Variants in LMBR1 observed in about 807,000 individuals in gnomAD.
LMBR1 encodes the protein limb development membrane protein 1.
Under a neutral mutation model 73.9 loss-of-function variants are expected in LMBR1, and 52 were observed. The ratio of observed to expected loss-of-function variants is 0.70; its 90% CI spans 0.56 to 0.89. LMBR1 has a LOEUF of 0.89. LMBR1 is among the 40% of genes least tolerant of loss of function. The pLI is 0.00. For missense variants in LMBR1, 539 were observed against 579.8 expected, an observed-to-expected ratio of 0.93 and a Z score of 0.72; for synonymous variants, 215 against 209.4, an observed-to-expected ratio of 1.03 and a Z score of -0.23.
intron 1 of LMBR1, among the ~76,000 whole-genome samples, chr7:156,840,516 T>C (rs369989728): frequency 6.6e-6 from 1 of 151,772 alleles, no homozygotes; most frequent in Admixed American, 6.6e-5. Context: ...GGTCAGAAAA[T>C]AATGGGAGCC....
intron 1 of LMBR1, among the ~76,000 whole-genome samples, chr7:156,881,128 C>T (rs1020213804): frequency 1.3e-5 from 2 of 152,108 alleles, no homozygotes; most frequent in Non-Finnish European, 2.9e-5. Context: ...TAGTATAGTA[C>T]TGACATAAAG....
intron 15 of LMBR1, among the ~76,000 whole-genome samples, chr7:156,698,584 T>C (rs978729167): frequency 1.3e-5 from 2 of 152,220 alleles, no homozygotes; most frequent in African/African-American, 4.8e-5. Flanking sequence ...CTGCCAAAGC[T>C]TGGGGCTTCC....
intron 9 of LMBR1, among the ~76,000 whole-genome samples, chr7:156,739,549 C>A (rs1234558478): frequency 4.6e-5 from 7 of 152,196 alleles, no homozygotes; most frequent in Non-Finnish European, 8.8e-5. Flanking sequence ...TTGGTGGCCA[C>A]AGGAGTGCTT....
chr7:156,788,024 T>C (rs1235240164), intron 5 of LMBR1, among the ~76,000 whole-genome samples: 1 of 152,238 alleles, frequency 6.6e-6, no homozygotes, highest in African/African-American at 2.4e-5. Flanking sequence ...TCCACCTGCC[T>C]TGGCCTCCCA....
chr7:156,791,324 T>C (rs1480336010), intron 5 of LMBR1, among the ~76,000 whole-genome samples: 1 of 152,138 alleles, frequency 6.6e-6, no homozygotes, highest in Non-Finnish European at 1.5e-5. Flanking sequence ...GGATCATCAG[T>C]GGCAAAAAAC....
intron 4 of LMBR1, among the ~76,000 whole-genome samples, chr7:156,806,005 C>G (rs547791169): frequency 6.6e-6 from 1 of 152,138 alleles, no homozygotes; most frequent in Non-Finnish European, 1.5e-5. Flanking sequence ...CATGGTGGCA[C>G]CCTGATATGG....
chr7:156,827,028 A>T (rs532729131), intron 3 of LMBR1, among the ~76,000 whole-genome samples: 70 of 152,342 alleles, frequency 4.6e-4, no homozygotes, highest in Non-Finnish European at 1.0e-4. Flanking sequence ...TATTTTACAA[A>T]GAAAAAATTG....
chr7:156,798,931 T>C (rs112573497), intron 4 of LMBR1, among the ~76,000 whole-genome samples: 4,829 of 151,874 alleles, frequency 0.032, 122 homozygotes, highest in South Asian at 0.084. Context: ...TGGTGGCTCA[T>C]ACCTGTAATC....
At chr7:156,704,706 A>T (rs1018710369) in intron 15 of LMBR1, among the ~76,000 whole-genome samples, 4 of 151,712 alleles carry the variant, frequency 2.6e-5, no homozygotes, top group African/African-American at 9.7e-5. Flanking sequence ...AAAGATCAGA[A>T]ATCAATATAG....
downstream of LMBR1, chr7:156,675,749 G>A (rs1403955924): frequency 1.2e-6 from 2 of 1,614,006 alleles, no homozygotes; most frequent in Non-Finnish European, 1.7e-6. Flanking sequence ...ACATTGAAGA[G>A]CTCTTTGCAG....
At chr7:156,889,996 C>T (rs1292838529) in intron 1 of LMBR1, among the ~76,000 whole-genome samples, 1 of 152,038 alleles carries the variant, frequency 6.6e-6, no homozygotes, top group African/African-American at 2.4e-5. Context: ...AGAGGGAGAA[C>T]CTGTCTCAAA....
In LMBR1 at chr7:156,681,269, G is replaced by A; in HGVS notation, c.*2809C>T. The A allele has an allele frequency of 2.4e-6, 1 of 419,780 alleles. No individual in the cohort carries two copies. The highest frequency in any genetic ancestry group is 7.1e-5 in the East Asian group (1 of 14,018). The allele number at this position is 419,780 out of a possible 1,614,324, so 26.0% of individuals were successfully genotyped here. A position where few individuals can be genotyped will look rare whatever the true frequency, so the allele number is the denominator to read the frequency against. ...GGAGGCCGCACTGCCGCTGAGAGCA[G>A]GTACACGTGCGCCTTTAACACATCT... On this transcript the variant is annotated 3_prime_UTR_variant, in exon 17 of 17. Transcript: ENST00000353442.
intron 4 of LMBR1, among the ~76,000 whole-genome samples, chr7:156,808,224 T>C (rs1222894864): frequency 1.3e-5 from 2 of 152,204 alleles, no homozygotes; most frequent in African/African-American, 2.4e-5. Context: ...CTGAATGTAA[T>C]TGTGATTCTG....
chr7:156,801,811 T>A (rs1211062612), intron 4 of LMBR1, among the ~76,000 whole-genome samples: 1 of 151,708 alleles, frequency 6.6e-6, no homozygotes, highest in African/African-American at 2.4e-5. Context: ...GGATTACAGA[T>A]GTGAGCCACT....
intron 2 of LMBR1, among the ~76,000 whole-genome samples, chr7:156,834,792 G>A (rs1381047963): frequency 6.6e-6 from 1 of 151,300 alleles, no homozygotes; most frequent in South Asian, 2.1e-4. Flanking sequence ...ATGCCTGTCA[G>A]CAATCTCTTT....
At chr7:156,831,872 G>C (rs778923589) in intron 3 of LMBR1, among the ~76,000 whole-genome samples, 1 of 152,244 alleles carries the variant, frequency 6.6e-6, no homozygotes, top group Non-Finnish European at 1.5e-5. Context: ...AGACTGAATG[G>C]AGAGGAGAAA....
intron 15 of LMBR1, among the ~76,000 whole-genome samples, chr7:156,706,969 A>T (rs1426273541): frequency 1.3e-5 from 2 of 151,976 alleles, no homozygotes; most frequent in Non-Finnish European, 2.9e-5. Context: ...GAGAAAATAA[A>T]TAAAACTGAT....
chr7:156,773,472 A>G (rs1045176628), intron 5 of LMBR1, among the ~76,000 whole-genome samples: 1 of 152,230 alleles, frequency 6.6e-6, no homozygotes, highest in Non-Finnish European at 1.5e-5. Flanking sequence ...CCAAACGAGC[A>G]TGGTACTGGT....
chr7:156,702,660 T>G (rs1328743635), intron 15 of LMBR1, among the ~76,000 whole-genome samples: 2 of 152,344 alleles, frequency 1.3e-5, no homozygotes, highest in Admixed American at 1.3e-4. Flanking sequence ...TTAATATTTT[T>G]ACTTCTTTTT....
Sources: allele counts gnomAD v4.1 joint callset (sites outside exome capture counted in the v4.1 genomes callset), GRCh38; gene constraint gnomAD v4.1.1; transcripts MANE v1.5; gene names NCBI Gene and HGNC (gene_info 2026-07-23, HGNC 2026-07-21).